Variants in CARS1 observed in about 807,000 individuals in gnomAD.
CARS1 encodes the protein cysteinyl-tRNA synthetase 1, also known as cysteine--tRNA ligase, cytoplasmic.
In CARS1, 48 loss-of-function variants were observed where a neutral mutation model predicts 106.2. The ratio of observed to expected loss-of-function variants is 0.45; its 90% CI spans 0.36 to 0.57. CARS1 has a LOEUF of 0.57. Ranked by LOEUF, CARS1 falls within the 20% of genes least tolerant of loss-of-function variation. The pLI is 0.00. For missense variants in CARS1, 968 were observed against 1,057.2 expected (o/e 0.92, Z 1.17); for synonymous variants, 409 against 403.4 (o/e 1.01, Z -0.17).
intron 19 of CARS1, among the ~76,000 whole-genome samples, chr11:3,005,770 C>T (rs774411605): frequency 6.6e-6 from 1 of 151,978 alleles, no homozygotes; most frequent in Non-Finnish European, 1.5e-5. Flanking sequence ...GGAGCCCACA[C>T]CCAGCTAATG....
rs1228668170 is a variant in CARS1, at chr11:3,017,843, T to C, written c.1727+14A>G. The C allele has an allele frequency of 3.8e-6, 6 of 1,580,596 alleles. No individual in the cohort carries two copies. The African/African-American group carries it at 6.7e-5, about 18-fold the overall frequency. ...GGCATGCTCAAAAACCCCAAAGAAA[T>C]GGCACCACCTTACTTCTTATTCAGT... On this transcript the variant is annotated intron_variant, in intron 15 of 22. Transcript: ENST00000380525. This position sits in a 1 kb window ranked among gnomAD's most constrained non-coding sequence, Gnocchi z 4.9.
chr11:3,002,306 C>T (rs1849465675), intron 21 of CARS1: 4 of 698,128 alleles, frequency 5.7e-6, no homozygotes, highest in Non-Finnish European at 9.6e-6. Flanking sequence ...TCTATAAACG[C>T]TGTCTTGGAG....
chr11:3,012,351 G>A (rs1368900377), intron 17 of CARS1, 75 bp from the exon 18 acceptor site: 2 of 1,303,444 alleles, frequency 1.5e-6, no homozygotes, highest in African/African-American at 2.9e-5. Context: ...TAGCTCAGTG[G>A]CCGCGACACA....
At chr11:3,002,125 G>T in intron 21 of CARS1, 72 bp from the exon 22 acceptor site, 1 of 992,862 alleles carries the variant, frequency 1.0e-6, no homozygotes, top group Non-Finnish European at 1.6e-6. Context: ...AACGACATCT[G>T]CTCATACCTC....
In CARS1 at chr11:3,037,491, CCTGA is replaced by C. The variant is rs1457202486; in HGVS notation, c.801+555_801+558del. On this transcript the variant is annotated intron_variant, in intron 7 of 22. Transcript: ENST00000380525. This position sits in a 1 kb window ranked among gnomAD's most constrained non-coding sequence, Gnocchi z 5.9. ...GCGCTGGCACAAAGGAGAAGGCCTT[CCTGA>C]CTGTGTCCAGGGCGCCAGCCACAGG... Among the ~76,000 whole-genome samples the C allele has an allele frequency of 6.6e-6, 1 of 152,196 alleles. No individual in the cohort carries two copies. The highest frequency in any genetic ancestry group is 1.5e-5 in the Non-Finnish European group (1 of 68,040).
Position 3,030,959 on chromosome 11 carries a change from G to C in CARS1, c.802-1516C>G, listed in dbSNP as rs2134203277. On this transcript the variant is annotated intron_variant, in intron 7 of 22. Coordinates refer to ENST00000380525, the MANE Select transcript of CARS1 (RefSeq NM_001014437.3). The surrounding 1 kb of genome is among the most constrained non-coding windows in gnomAD (Gnocchi z 5.7). ...TGAAGAAGTCATCCAAAATGAAACA[G>C]AGACAAGAAGGAAAATTTTATGAAA... 6.6e-6 allele frequency: 1 copy of C among 152,336 alleles called. No homozygotes were observed. The highest frequency in any genetic ancestry group is 2.4e-5 in the African/African-American group (1 of 41,568). The allele number at this position is 152,336 out of a possible 1,614,324, so 9.4% of individuals were successfully genotyped here.
intron 7 of CARS1, chr11:3,031,344 T>A (rs897567206): frequency 2.6e-5 from 4 of 152,118 alleles, no homozygotes; most frequent in African/African-American, 4.8e-5. Flanking sequence ...GCAACCACCT[T>A]GAACAAACAG....
In CARS1 at chr11:3,020,401, G is replaced by A. The variant is rs1294650885; in HGVS notation, c.1154-69C>T. ...CACAGACCCACATGTCTCACTTCAAGGCCATCCACGGTGCCTAATGGGCAG... is the reference window on the plus strand; with the variant it reads ...CACAGACCCACATGTCTCACTTCAAAGCCATCCACGGTGCCTAATGGGCAG... On this transcript the variant is annotated intron_variant, in intron 10 of 22. Coordinates refer to ENST00000380525, the MANE Select transcript of CARS1 (RefSeq NM_001014437.3). This position sits in a 1 kb window ranked among gnomAD's most constrained non-coding sequence, Gnocchi z 4.6. The A allele has an allele frequency of 1.1e-6, 1 of 892,238 alleles. No homozygotes were observed. Among genetic ancestry groups the A allele is most frequent in the Non-Finnish European group, 1.9e-6 (1 of 530,138 alleles). 55.3% of individuals were successfully genotyped at this position (892,238 alleles called of 1,614,324 possible). A position where few individuals can be genotyped will look rare whatever the true frequency, so the allele number is the denominator to read the frequency against.
intron 10 of CARS1, among the ~76,000 whole-genome samples, chr11:3,023,026 G>T (rs901104375): frequency 6.6e-6 from 1 of 152,122 alleles, no homozygotes; most frequent in African/African-American, 2.4e-5. Flanking sequence ...CCTGCATATT[G>T]GCTGTTAGAT....
In CARS1 at chr11:3,019,927, G is replaced by C. The variant is rs1851416269; in HGVS notation, c.1266+293C>G. Among the ~76,000 whole-genome samples, 1 of 152,150 alleles carries C rather than the reference G, an allele frequency of 6.6e-6. No homozygotes were observed. The highest frequency in any genetic ancestry group is 1.5e-5 in the Non-Finnish European group (1 of 68,010). Reference sequence around the variant, plus strand: ...TACACCCTGGGGCCTGGAATACTCAGAGTCACAGAACACAAGAACCAAGAA... The same window carrying C: ...TACACCCTGGGGCCTGGAATACTCACAGTCACAGAACACAAGAACCAAGAA... On this transcript the variant is annotated intron_variant, in intron 11 of 22. Transcript: ENST00000380525. This position sits in a 1 kb window ranked among gnomAD's most constrained non-coding sequence, Gnocchi z 6.2.
In CARS1 at chr11:3,003,452, G is replaced by A. The variant is rs150412942; in HGVS notation, c.2218-852C>T. On this transcript the variant is annotated intron_variant, in intron 20 of 22. Transcript: ENST00000380525. This position sits in a 1 kb window ranked among gnomAD's most constrained non-coding sequence, Gnocchi z 4.8. Reference sequence around the variant, plus strand: ...GATATCAGAGGCTTCCTGGCCCAGTGGAGCTATCAGGTAGGCAGCTGGGCA... The same window carrying A: ...GATATCAGAGGCTTCCTGGCCCAGTAGAGCTATCAGGTAGGCAGCTGGGCA... Among the ~76,000 whole-genome samples the A allele has an allele frequency of 1.0e-3, 154 of 152,334 alleles. No individual in the cohort carries two copies. Among genetic ancestry groups the A allele is most frequent in the African/African-American group, 3.4e-3 (140 of 41,570 alleles).
chr11:3,010,752 CA>C (rs1361074487), intron 18 of CARS1, among the ~76,000 whole-genome samples: 1 of 152,282 alleles, frequency 6.6e-6, no homozygotes, highest in Non-Finnish European at 1.5e-5. Context: ...CTGCCCGAAA[CA>C]GGCCCAGATT....
intron 18 of CARS1, among the ~76,000 whole-genome samples, chr11:3,011,414 G>A (rs573205699): frequency 8.1e-4 from 123 of 150,980 alleles, no homozygotes; most frequent in Non-Finnish European, 1.1e-3. Flanking sequence ...GACCATCCTG[G>A]CCAACACGGT....
chr11:3,040,102 A>C lies in CARS1; in HGVS notation c.456-171T>G, dbSNP rs562410326. 1 of 552,312 alleles carries C rather than the reference A, an allele frequency of 1.8e-6. No individual in the cohort carries two copies. Among genetic ancestry groups the C allele is most frequent in the Admixed American group, 3.7e-5 (1 of 26,978 alleles). The allele number at this position is 552,312 out of a possible 1,614,324, so 34.2% of individuals were successfully genotyped here. A position where few individuals can be genotyped will look rare whatever the true frequency, so the allele number is the denominator to read the frequency against. On this transcript the variant is annotated intron_variant, in intron 4 of 22. Coordinates refer to ENST00000380525, the MANE Select transcript of CARS1 (RefSeq NM_001014437.3). This position sits in a 1 kb window ranked among gnomAD's most constrained non-coding sequence, Gnocchi z 5.8. ...CAGTCTACTCAACGTGAAGATGGCA[A>C]GGATGATGACCTTTATAATGATCCA...
Position 3,052,088 on chromosome 11 carries a change from T to C in CARS1, c.26-4087A>G, listed in dbSNP as rs1425763210. 6.6e-6 allele frequency among the ~76,000 whole-genome samples: 1 copy of C among 152,260 alleles called. No homozygotes were observed. Among genetic ancestry groups the C allele is most frequent in the African/African-American group, 2.4e-5 (1 of 41,472 alleles). On this transcript the variant is annotated intron_variant, in intron 1 of 22. Coordinates refer to ENST00000380525, the MANE Select transcript of CARS1 (RefSeq NM_001014437.3). The surrounding 1 kb of genome is among the most constrained non-coding windows in gnomAD (Gnocchi z 4.6). ...GCTCACATTTTCTGCAGTAAGCATC[T>C]GCTATTTTTAAAATGAGAAAAACAT... is the stretch of plus-strand genomic sequence containing the variant.
At chr11:3,031,332 C>CG (rs1852735748) in intron 7 of CARS1, 1 of 152,096 alleles carries the variant, frequency 6.6e-6, no homozygotes, top group African/African-American at 2.4e-5. Flanking sequence ...AGCCAGAAGA[C>CG]GGCAACCACC....
rs917521840 is a variant in CARS1 at position 3,022,949 on chromosome 11, G to C, written c.1154-2617C>G. 1.3e-5 allele frequency among the ~76,000 whole-genome samples: 2 copies of C among 152,190 alleles called. No homozygotes were observed. Among genetic ancestry groups the C allele is most frequent in the Non-Finnish European group, 2.9e-5 (2 of 68,028 alleles). On this transcript the variant is annotated intron_variant, in intron 10 of 22. Transcript: ENST00000380525. This position sits in a 1 kb window ranked among gnomAD's most constrained non-coding sequence, Gnocchi z 4.9. Reference sequence around the variant, plus strand: ...CTCCCCATGGTGGGGGGAGGTTGCGGGGGTGGTCATGTGCCCACGTCTGAT... The same window carrying C: ...CTCCCCATGGTGGGGGGAGGTTGCGCGGGTGGTCATGTGCCCACGTCTGAT...
chr11:3,002,517 T>C, intron 21 of CARS1, 24 bp downstream of exon 21: 1 of 1,613,638 alleles, frequency 6.2e-7, no homozygotes, highest in Non-Finnish European at 8.5e-7. Flanking sequence ...AGTAGAGCCC[T>C]CACCCCCAAA....
chr11:3,001,915 T>C (rs772466619), intron 22 of CARS1, 55 bp downstream of exon 22: 143 of 1,337,684 alleles, frequency 1.1e-4, no homozygotes, highest in Non-Finnish European at 1.4e-4. Context: ...GTCCTCCCAC[T>C]TTAATGTGGT....
Sources: gnomAD v4.1 joint callset for allele counts (sites outside exome capture counted in the v4.1 genomes callset) on GRCh38, gnomAD v4.1.1 for gene constraint, Gnocchi (gnomAD v3.1) non-coding constraint, MANE v1.5 for transcripts, NCBI Gene and HGNC (gene_info 2026-07-23, HGNC 2026-07-21) for gene names.